ROBO2: variants seen among roughly 807,000 people sequenced by gnomAD.
The protein encoded by ROBO2 is roundabout guidance receptor 2, also known as roundabout homolog 2.
A neutral mutation model predicts 160.8 loss-of-function variants in ROBO2; 53 were observed. The observed-to-expected ratio is 0.33, with a 90% CI of 0.26 to 0.41. The LOEUF (loss-of-function observed/expected upper bound fraction) is 0.41. ROBO2 is among the 10% of genes least tolerant of loss of function. The probability of loss-of-function intolerance (pLI) is 1.00; values close to 1 mark genes in which losing one functional copy is unlikely to be tolerated. For missense variants in ROBO2, 1,577 were observed against 1,722.4 expected (o/e 0.92, Z 1.49); for synonymous variants, 664 against 611.7 (o/e 1.09, Z -1.26).
At chr3:76,403,994 G>T (rs1319141355) in intron 2 of ROBO2, among the ~76,000 whole-genome samples, 2 of 151,722 alleles carry the variant, frequency 1.3e-5, no homozygotes, top group Non-Finnish European at 3.0e-5. Context: ...TGACTCTGCT[G>T]CTAGCTATAT....
intron 2 of ROBO2, among the ~76,000 whole-genome samples, chr3:76,960,479 C>G (rs1351697105): frequency 1.3e-5 from 2 of 151,944 alleles, no homozygotes; most frequent in Non-Finnish European, 1.5e-5. Context: ...AATTAACCTT[C>G]AATAAATGCT....
intron 2 of ROBO2, among the ~76,000 whole-genome samples, chr3:77,433,352 T>C: frequency 6.6e-6 from 1 of 151,528 alleles, no homozygotes; most frequent in South Asian, 2.1e-4. Flanking sequence ...TAAACTGTTC[T>C]GTATTGTGTT....
intron 21 of ROBO2, among the ~76,000 whole-genome samples, chr3:77,612,012 T>C (rs1257329639): frequency 1.3e-5 from 2 of 152,158 alleles, no homozygotes; most frequent in African/African-American, 4.8e-5. Flanking sequence ...TTATTAGTAA[T>C]TTGGTATTTG....
At chr3:77,504,162 G>T (rs920073586) in intron 5 of ROBO2, among the ~76,000 whole-genome samples, 1 of 152,028 alleles carries the variant, frequency 6.6e-6, no homozygotes, top group African/African-American at 2.4e-5. Flanking sequence ...AGACCTATGG[G>T]ATAACATCAT....
At position 76,771,550 on chromosome 3, in the gene ROBO2, AC is replaced by A. The variant is rs572410905; in HGVS notation, c.110-326462del. On this transcript the variant is annotated intron_variant, in intron 2 of 26. Coordinates refer to the ROBO2 transcript ENST00000487694. The stretch of plus-strand genomic sequence containing the variant: ...ACTCCTCAAAAATTTGACCTGAAAA[AC>A]CTGAAAAGAATGTCCTTTTGCCCCA... Among the ~76,000 whole-genome samples, 722 of 151,178 alleles carry A rather than the reference AC, an allele frequency of 4.8e-3. 8 individuals are homozygous for A. Among genetic ancestry groups the A allele is most frequent in the African/African-American group, 0.017 (684 of 41,390 alleles).
At chr3:76,903,786 CTTCTT>C (rs2075396841) in intron 2 of ROBO2, among the ~76,000 whole-genome samples, 1 of 152,116 alleles carries the variant, frequency 6.6e-6, no homozygotes, top group Non-Finnish European at 1.5e-5. Context: ...CCATTTGCTT[CTTCTT>C]TTCATTTCTA....
chr3:75,914,893 G>A (rs1946744649), intron 1 of ROBO2, among the ~76,000 whole-genome samples: 1 of 152,158 alleles, frequency 6.6e-6, no homozygotes, highest in Admixed American at 6.5e-5. Context: ...TAAGAAGGAT[G>A]GTATGATAGG....
chr3:76,318,026 G>A (rs1344523701), intron 2 of ROBO2, among the ~76,000 whole-genome samples: 1 of 151,492 alleles, frequency 6.6e-6, no homozygotes, highest in Non-Finnish European at 1.5e-5. Context: ...TTATATATTT[G>A]TCATTAATGT....
rs574119050 is a variant in ROBO2, at chr3:76,205,052, T to C, written c.109+267450T>C. 3.9e-5 allele frequency among the ~76,000 whole-genome samples: 6 copies of C among 152,238 alleles called. No individual in the cohort carries two copies. The East Asian group carries it at 9.7e-4, about 25-fold the overall frequency. Reference sequence around the variant, plus strand: ...TACCCTTAGGTTTAGATGGCTTGGATAAAGGCCTGAACAACTAGTATAATT... The same window carrying C: ...TACCCTTAGGTTTAGATGGCTTGGACAAAGGCCTGAACAACTAGTATAATT... On this transcript the variant is annotated intron_variant, in intron 2 of 26. Transcript: ENST00000487694.
chr3:76,689,198 C>T (rs539667682), intron 2 of ROBO2, among the ~76,000 whole-genome samples: 1 of 152,056 alleles, frequency 6.6e-6, no homozygotes, highest in Admixed American at 6.6e-5. Flanking sequence ...AAATATATAA[C>T]ATCATGTTTA....
intron 2 of ROBO2, among the ~76,000 whole-genome samples, chr3:76,840,540 G>A (rs913207410): frequency 1.3e-5 from 2 of 150,620 alleles, no homozygotes; most frequent in African/African-American, 4.9e-5. Context: ...AACCCAGAAG[G>A]TGGAACTTGC....
intron 2 of ROBO2, among the ~76,000 whole-genome samples, chr3:77,099,071 C>CTTT (rs750626067): frequency 0.2 from 24,650 of 120,890 alleles, 3,109 homozygotes; most frequent in East Asian, 0.47. Context: ...TTCTTTCTTT[C>CTTT]TTTTTTTTTT....
At chr3:77,272,770 CT>C (rs2059583656) in intron 2 of ROBO2, among the ~76,000 whole-genome samples, 1 of 151,850 alleles carries the variant, frequency 6.6e-6, no homozygotes, top group Admixed American at 6.6e-5. Flanking sequence ...TTGTAAAAAC[CT>C]TTATCTGTTA....
At chr3:76,532,756 G>A (rs2593861) in intron 2 of ROBO2, among the ~76,000 whole-genome samples, 102,831 of 151,978 alleles carry the variant, frequency 0.68, 35,231 homozygotes, top group African/African-American at 0.78. Context: ...AGTGCAAAAA[G>A]GGAAACAGTT....
At chr3:76,026,862 G>A (rs1203715079) in intron 2 of ROBO2, among the ~76,000 whole-genome samples, 1 of 151,828 alleles carries the variant, frequency 6.6e-6, no homozygotes, top group Admixed American at 6.6e-5. Flanking sequence ...TGAGTGAAAA[G>A]GGCCAAGTCA....
chr3:75,921,357 C>CAT (rs762203917), intron 1 of ROBO2, among the ~76,000 whole-genome samples: 1 of 151,258 alleles, frequency 6.6e-6, no homozygotes, highest in Non-Finnish European at 1.5e-5. Context: ...GATATACATA[C>CAT]ACACACACAC....
At chr3:75,995,630 G>T (rs137890688) in intron 2 of ROBO2, among the ~76,000 whole-genome samples, 1 of 152,234 alleles carries the variant, frequency 6.6e-6, no homozygotes, top group East Asian at 1.9e-4. Flanking sequence ...TAGTGGAGCT[G>T]TGAGAAGAGG....
At chr3:77,283,467 T>A (rs1304035573) in intron 2 of ROBO2, among the ~76,000 whole-genome samples, 1 of 152,214 alleles carries the variant, frequency 6.6e-6, no homozygotes, top group Admixed American at 6.5e-5. Flanking sequence ...ATGACAAAGC[T>A]TTTCTTATTA....
chr3:76,583,043 A>T (rs1338016679), intron 2 of ROBO2, among the ~76,000 whole-genome samples: 2 of 151,910 alleles, frequency 1.3e-5, no homozygotes, highest in African/African-American at 4.8e-5. Flanking sequence ...GAAAAAACAA[A>T]CAAAGAAAAA....
Sources: allele counts gnomAD v4.1 joint callset (sites outside exome capture counted in the v4.1 genomes callset), GRCh38; gene constraint gnomAD v4.1.1; transcripts MANE v1.5; gene names NCBI Gene and HGNC (gene_info 2026-07-23, HGNC 2026-07-21).